Variants in CWF19L2 observed in about 807,000 individuals in gnomAD.
CWF19L2 encodes the protein CWF19-like protein 2.
A neutral mutation model predicts 111.7 loss-of-function variants in CWF19L2; 98 were observed. That is an observed-to-expected ratio of 0.88 (90% CI 0.75 to 1.04). The LOEUF is 1.04. Among genes scored for constraint, CWF19L2 ranks in the 50% least tolerant of loss-of-function variants. The pLI, the probability that CWF19L2 is intolerant of heterozygous loss-of-function variation, is 0.00. For missense variants in CWF19L2, 1,101 were observed against 1,051.4 expected, an observed-to-expected ratio of 1.05 and a Z score of -0.65; for synonymous variants, 351 against 342.9, an observed-to-expected ratio of 1.02 and a Z score of -0.26.
intron 2 of CWF19L2, 44 bp downstream of exon 2, chr11:107,455,622 A>T: frequency 1.7e-6 from 2 of 1,157,446 alleles, no homozygotes; most frequent in Non-Finnish European, 2.4e-6. Context: ...TACGTGCAAA[A>T]AAGGACAGAT....
At chr11:107,456,898 G>C (rs1044258252) in intron 1 of CWF19L2, among the ~76,000 whole-genome samples, 1 of 152,162 alleles carries the variant, frequency 6.6e-6, no homozygotes, top group African/African-American at 2.4e-5. Context: ...GCCAAATTTT[G>C]AAACTATGTC....
chr11:107,393,002 T>C, intron 10 of CWF19L2, 107 bp from the exon 11 acceptor site: 2 of 671,194 alleles, frequency 3.0e-6, no homozygotes, highest in South Asian at 2.0e-5. Flanking sequence ...CCACATAACG[T>C]TGTGGATTGC....
chr11:107,414,499 T>C (rs1282810714), intron 10 of CWF19L2, among the ~76,000 whole-genome samples: 2 of 152,170 alleles, frequency 1.3e-5, no homozygotes, highest in South Asian at 2.1e-4. Context: ...CCCAAATTTC[T>C]ATCTCCAGCA....
intron 12 of CWF19L2, among the ~76,000 whole-genome samples, chr11:107,370,052 A>G (rs1860485918): frequency 7.3e-6 from 1 of 137,560 alleles, no homozygotes; most frequent in Non-Finnish European, 1.6e-5. Flanking sequence ...TAAGCATCCA[A>G]CAAAGTCAAC....
intron 14 of CWF19L2, chr11:107,345,561 T>C (rs1860067969): frequency 1.1e-5 from 5 of 442,046 alleles, no homozygotes; most frequent in South Asian, 5.1e-5. Flanking sequence ...AATACTAAAA[T>C]AGTGTTGCAA....
At position 107,349,036 on chromosome 11, in the gene CWF19L2, G is replaced by A; in HGVS notation, c.2103C>T (p.Pro701=). The change falls in exon 14 of 18, where the codon CCC becomes CCT. Residue 701 remains proline (P), a synonymous_variant. Transcript: ENST00000282251. ...GCCCCTCAGTAAGAGACCGTACGTT[G>A]GGTAAACATAAATAAACCTATAAGA... ...AIGVKVYLCL[P]NVRSLTEGHC... is the part of the protein sequence containing the mutation. The A allele has an allele frequency of 6.3e-7, 1 of 1,598,950 alleles. No individual in the cohort carries two copies. Among genetic ancestry groups the A allele is most frequent in the Middle Eastern group, 1.7e-4 (1 of 5,984 alleles).
At chr11:107,430,705 T>C (rs1300838270) in intron 7 of CWF19L2, among the ~76,000 whole-genome samples, 2 of 151,818 alleles carry the variant, frequency 1.3e-5, no homozygotes, top group African/African-American at 4.8e-5. Context: ...AGTAGGAAGG[T>C]GGTTACTGGA....
intron 10 of CWF19L2, among the ~76,000 whole-genome samples, chr11:107,393,533 A>G (rs1860879103): frequency 6.6e-6 from 1 of 152,212 alleles, no homozygotes; most frequent in Admixed American, 6.5e-5. Context: ...AAAGAATATT[A>G]GAGAATGACA....
chr11:107,362,152 G>A (rs146678310), intron 12 of CWF19L2, among the ~76,000 whole-genome samples: 13 of 152,158 alleles, frequency 8.5e-5, no homozygotes, highest in East Asian at 3.9e-4. Context: ...ATTATATCCC[G>A]CACCTGGCTC....
chr11:107,385,250 T>C (rs1860747860), intron 12 of CWF19L2, among the ~76,000 whole-genome samples: 1 of 151,876 alleles, frequency 6.6e-6, no homozygotes, highest in Non-Finnish European at 1.5e-5. Flanking sequence ...GTACTTCCAT[T>C]GGCCCCACTG....
rs774536685 is a variant in CWF19L2 at position 107,429,384 on chromosome 11, CTA to C, written c.846_847del (p.Tyr282Ter). 1 of 1,585,402 alleles carries C rather than the reference CTA, an allele frequency of 6.3e-7. No individual in the cohort carries two copies. Among genetic ancestry groups the C allele is most frequent in the Non-Finnish European group, 8.6e-7 (1 of 1,164,854 alleles). On this transcript the variant is annotated stop_gained and frameshift_variant, in exon 8 of 18. Coordinates refer to ENST00000282251, the MANE Select transcript of CWF19L2 (RefSeq NM_152434.3). LOFTEE classifies it high-confidence loss of function. ...TGTGGGTTTCCTCCACCGTTCCCGT[CTA>C]TAATCTTCTTTCGTGGATGCAGCTT...
chr11:107,361,555 T>C (rs185571757), intron 12 of CWF19L2, among the ~76,000 whole-genome samples: 2 of 152,346 alleles, frequency 1.3e-5, no homozygotes, highest in East Asian at 1.9e-4. Context: ...AACCTGTAGA[T>C]TACTCTGGCC....
At chr11:107,450,104 A>T (rs1370398576) in intron 3 of CWF19L2, among the ~76,000 whole-genome samples, 22 of 151,530 alleles carry the variant, frequency 1.5e-4, no homozygotes, top group Admixed American at 1.4e-3. Flanking sequence ...ATCTCAAGAA[A>T]AAAAAAAAAA....
rs573980703 is a variant in CWF19L2 at position 107,355,781 on chromosome 11, C to T, written c.1873-2045G>A. ...TGCCAAAGAAACAGACAAATCCCAA[C>T]TGTAATCACAGATTTTAAATACCTC... On this transcript the variant is annotated intron_variant, in intron 12 of 17. Coordinates refer to ENST00000282251, the MANE Select transcript of CWF19L2 (RefSeq NM_152434.3). Among the ~76,000 whole-genome samples the T allele has an allele frequency of 2.6e-5, 4 of 152,312 alleles. No homozygotes were observed. The East Asian group carries it at 7.7e-4, about 29-fold the overall frequency.
At chr11:107,444,900 C>G (rs1167982686) in intron 3 of CWF19L2, among the ~76,000 whole-genome samples, 1 of 152,134 alleles carries the variant, frequency 6.6e-6, no homozygotes, top group African/African-American at 2.4e-5. Context: ...TACGAGCCTA[C>G]CTCTATCCCT....
intron 12 of CWF19L2, among the ~76,000 whole-genome samples, chr11:107,362,739 A>C (rs1158240024): frequency 1.3e-5 from 2 of 151,376 alleles, no homozygotes; most frequent in Admixed American, 6.6e-5. Context: ...AGAACAGAAA[A>C]ACTGGAAACT....
intron 13 of CWF19L2, 149 bp from the exon 14 acceptor site, chr11:107,349,202 T>A: frequency 2.6e-6 from 1 of 389,396 alleles, no homozygotes; most frequent in Non-Finnish European, 4.7e-6. Context: ...TAAGAATTGC[T>A]TTTGCAAATG....
intron 12 of CWF19L2, among the ~76,000 whole-genome samples, chr11:107,382,779 G>A (rs2134585671): frequency 6.6e-6 from 1 of 152,358 alleles, no homozygotes; most frequent in East Asian, 1.9e-4. Flanking sequence ...GCAGGCCTCA[G>A]GAAACAGAGT....
At chr11:107,443,079 G>A (rs1861654689) in intron 3 of CWF19L2, 30 bp from the exon 4 acceptor site, 1 of 1,386,476 alleles carries the variant, frequency 7.2e-7, no homozygotes, top group Non-Finnish European at 1.0e-6. Context: ...AAGTGAAATT[G>A]TCAAATTTGC....
Sources: allele counts gnomAD v4.1 joint callset (sites outside exome capture counted in the v4.1 genomes callset), GRCh38; gene constraint gnomAD v4.1.1; transcripts MANE v1.5; gene names NCBI Gene and HGNC (gene_info 2026-07-23, HGNC 2026-07-21).